The following ARSF variants were observed in gnomAD, a reference collection of about 807,000 sequenced individuals.
ARSF encodes arylsulfatase F.
ARSF carries 33 observed loss-of-function variants against 35.4 expected under a neutral mutation model. That is an observed-to-expected ratio of 0.93 (90% CI 0.71 to 1.25). ARSF has a LOEUF of 1.25. Ranked by LOEUF, ARSF falls within the 50% of genes most tolerant of loss-of-function variation. The pLI is 0.00. For missense variants in ARSF, 501 were observed against 480.2 expected, an observed-to-expected ratio of 1.04 and a Z score of -0.40; for synonymous variants, 222 against 193.1, an observed-to-expected ratio of 1.15 and a Z score of -1.24.
intron 5 of ARSF, among the ~76,000 whole-genome samples, chrX:3,083,522 C>G: frequency 1.6e-5 from 1 of 63,141 alleles, no homozygotes; most frequent in East Asian, 6.8e-4. Context: ...ATCTATCTAT[C>G]TATCTATCCA....
At chrX:3,101,522 A>T (rs1414700237) in intron 8 of ARSF, among the ~76,000 whole-genome samples, 1 of 111,576 alleles carries the variant, frequency 9.0e-6, no homozygotes, top group Non-Finnish European at 1.9e-5. Context: ...CTTTAAAGAA[A>T]TATCTACTCA....
chrX:3,063,348 A>G (rs1377977465), intron 1 of ARSF, among the ~76,000 whole-genome samples: 2 of 111,782 alleles, frequency 1.8e-5, no homozygotes, highest in Non-Finnish European at 3.8e-5. Flanking sequence ...AGCCAATATC[A>G]TACTGAATGG....
At chrX:3,083,885 C>T (rs777445232) in intron 5 of ARSF, among the ~76,000 whole-genome samples, 6 of 111,598 alleles carry the variant, frequency 5.4e-5, no homozygotes, top group African/African-American at 1.9e-4. Context: ...TGTAACCTGC[C>T]TTGCCTCTGT....
Position 3,084,271 on chromosome X carries a change from C to T in ARSF, c.435C>T (p.Asp145=), listed in dbSNP as rs1458593774. ...IGKWHQGLNC[D]SRSDQCHHPY... The stretch of plus-strand genomic sequence containing the variant: ...AATGGCACCAAGGCTTGAACTGCGA[C>T]TCCCGAAGTGACCAGTGCCACCATC... The change falls in exon 6 of 11, where the codon GAC becomes GAT. Residue 145 remains aspartate, a synonymous_variant. Coordinates refer to ENST00000381127, the MANE Select transcript of ARSF (RefSeq NM_001201539.2). 1.7e-6 allele frequency: 2 copies of T among 1,209,685 alleles called. No homozygotes were observed.
chrX:3,100,132 A>G (rs1383859317), intron 7 of ARSF, among the ~76,000 whole-genome samples: 1 of 112,317 alleles, frequency 8.9e-6, no homozygotes, highest in Non-Finnish European at 1.9e-5. Context: ...TAACTTGCCC[A>G]TTGAGTCTAA....
Position 3,072,032 on chromosome X carries a change from C to A in ARSF, c.18C>A (p.Pro6=), listed in dbSNP as rs150668857. 1 of 1,202,708 alleles carries A rather than the reference C, an allele frequency of 8.3e-7. No individual in the cohort carries two copies. MRPRR[P]LVFMSLVCAL... ...ATCCCTGCTTGCTTTCCAGGAGACC[C>A]TTGGTCTTCATGTCTTTGGTGTGTG... Residue 6 remains proline (P), a synonymous_variant, in exon 3 of 11, where the codon CCC becomes CCA. Coordinates refer to ENST00000381127, the MANE Select transcript of ARSF (RefSeq NM_001201539.2).
chrX:3,075,771 TTGTC>T (rs1475191895), intron 3 of ARSF, among the ~76,000 whole-genome samples: 1 of 108,747 alleles, frequency 9.2e-6, no homozygotes, highest in Non-Finnish European at 1.9e-5. Context: ...GTCTCTCTCT[TTGTC>T]TATCTCACTC....
chrX:3,090,183 A>G (rs2090278899), intron 7 of ARSF, among the ~76,000 whole-genome samples: 1 of 111,930 alleles, frequency 8.9e-6, no homozygotes, highest in South Asian at 3.7e-4. Context: ...AATAAATTTT[A>G]TTGTGTATTT....
At chrX:3,072,697 T>C in intron 3 of ARSF, among the ~76,000 whole-genome samples, 1 of 110,352 alleles carries the variant, frequency 9.1e-6, no homozygotes, top group East Asian at 2.8e-4. Context: ...ACAACTACCC[T>C]CTATCATACA....
At chrX:3,043,317 C>T (rs944643388) in intron 1 of ARSF, among the ~76,000 whole-genome samples, 4 of 111,785 alleles carry the variant, frequency 3.6e-5, no homozygotes, top group Admixed American at 9.5e-5. Flanking sequence ...AGTCATAATA[C>T]AGTCTGTAAA....
At chrX:3,049,729 A>G (rs1361203576) in intron 1 of ARSF, among the ~76,000 whole-genome samples, 2 of 110,863 alleles carry the variant, frequency 1.8e-5, no homozygotes, top group Admixed American at 2.0e-4. Flanking sequence ...TGGCTTGGGG[A>G]TTTTGGTTTC....
At chrX:3,107,495 A>G (rs1192436040) in intron 9 of ARSF, among the ~76,000 whole-genome samples, 1 of 111,825 alleles carries the variant, frequency 8.9e-6, no homozygotes, top group East Asian at 2.8e-4. Flanking sequence ...CTCTGAACTC[A>G]GAGGTTCTGC....
rs1246346232 is a variant in ARSF at position 3,101,193 on chromosome X, A to G, written c.1074A>G (p.Gln358=). The change falls in exon 8 of 11, where the codon CAA becomes CAG. Residue 358 remains glutamine, a synonymous_variant. Transcript: ENST00000381127. Reference sequence around the variant, plus strand: ...TGGAAGCTAGGCGAGGGCATGCCCAACTTGGTGGATGGAATGGAATATACA... The same window carrying G: ...TGGAAGCTAGGCGAGGGCATGCCCAGCTTGGTGGATGGAATGGAATATACA... ...GHLEARRGHA[Q]LGGWNGIYKG... The G allele has an allele frequency of 3.3e-6, 4 of 1,211,562 alleles. No individual in the cohort carries two copies. The South Asian group carries it at 7.0e-5, about 21-fold the overall frequency.
intron 7 of ARSF, among the ~76,000 whole-genome samples, chrX:3,097,719 A>C (rs1163440274): frequency 8.9e-6 from 1 of 112,205 alleles, no homozygotes; most frequent in Non-Finnish European, 1.9e-5. Flanking sequence ...AATTTATACT[A>C]CTTAAAAATA....
At chrX:3,044,826 C>A (rs1271217411) in intron 1 of ARSF, among the ~76,000 whole-genome samples, 1 of 109,447 alleles carries the variant, frequency 9.1e-6, no homozygotes, top group Non-Finnish European at 1.9e-5. Context: ...GGGGGCAGGG[C>A]AGGCCAAAAA....
At chrX:3,110,403 T>G (rs778789903) in intron 10 of ARSF, 151 bp downstream of exon 10, 31 of 639,613 alleles carry the variant, frequency 4.8e-5, no homozygotes, top group African/African-American at 4.4e-4. Flanking sequence ...TCAGAATTGC[T>G]CTTCTGCAGA....
chrX:3,058,723 C>T lies in ARSF; in HGVS notation c.-28-9350C>T, dbSNP rs1347389483. On this transcript the variant is annotated intron_variant, in intron 1 of 10. Coordinates refer to ENST00000381127, the MANE Select transcript of ARSF (RefSeq NM_001201539.2). ...AGAAAATAAAGAAATTACCCAGGTG[C>T]AGTGGTGCATGCCTGTAGTTCCAGC... 2.9e-5 allele frequency: 8 copies of T among 274,816 alleles called. No homozygotes were observed. In the Admixed American group the frequency reaches 3.0e-4, roughly 10 times the overall value. The allele number at this position is 274,816 out of a possible 1,213,427, so 22.6% of individuals were successfully genotyped here.
intron 1 of ARSF, among the ~76,000 whole-genome samples, chrX:3,053,328 CTT>C (rs762769881): frequency 8.6e-5 from 8 of 92,987 alleles, no homozygotes; most frequent in African/African-American, 2.3e-4. Context: ...GTATCCACAA[CTT>C]TTTTTTTTTT....
intron 1 of ARSF, among the ~76,000 whole-genome samples, chrX:3,050,686 A>G: frequency 9.0e-6 from 1 of 110,770 alleles, no homozygotes; most frequent in Middle Eastern, 4.6e-3. Flanking sequence ...ATGCTTCTGG[A>G]GTCTTGTGTC....
Sources: allele counts gnomAD v4.1 joint callset (sites outside exome capture counted in the v4.1 genomes callset), GRCh38; gene constraint gnomAD v4.1.1; transcripts MANE v1.5; gene names NCBI Gene and HGNC (gene_info 2026-07-23, HGNC 2026-07-21).